The following MSR1 variants were observed in gnomAD, a reference collection of about 807,000 sequenced individuals.
MSR1 encodes the protein macrophage scavenger receptor types I and II.
MSR1 carries 53 observed loss-of-function variants against 47.2 expected under a neutral mutation model. That is an observed-to-expected ratio of 1.12 (90% CI 0.90 to 1.41). MSR1 has a LOEUF of 1.41. Among genes scored for constraint, MSR1 ranks in the 40% most tolerant of loss-of-function variants. MSR1 has a pLI of 0.00. For synonymous variants in MSR1, 239 were observed against 185.6 expected (o/e 1.29, Z -2.34); for missense variants, 786 against 546.9 (o/e 1.44, Z -4.36).
In MSR1 at chr8:16,131,441, G is replaced by T. The variant is rs1229472094; in HGVS notation, c.1034-10835C>A. On this transcript the variant is annotated intron_variant, in intron 8 of 9. Coordinates refer to ENST00000262101, the MANE Select transcript of MSR1 (RefSeq NM_138715.3). ...TATGTATCTGTTTACTCTGTTGATA[G>T]TTTTTTTTTTTTTTTTTTTTTTTTG... Among the ~76,000 whole-genome samples the T allele has an allele frequency of 9.1e-4, 50 of 54,702 alleles. 1 individual carries two copies. Among genetic ancestry groups the T allele is most frequent in the African/African-American group, 3.2e-3 (40 of 12,322 alleles). 35.9% of individuals were successfully genotyped at this position (54,702 alleles called of 152,430 possible).
chr8:16,169,849 GT>G (rs1056418628), intron 3 of MSR1, among the ~76,000 whole-genome samples: 9 of 151,712 alleles, frequency 5.9e-5, no homozygotes, highest in Admixed American at 2.0e-4. Flanking sequence ...TATAGCCAAT[GT>G]TTTGATGAAC....
chr8:16,178,325 A>G (rs1386412218), intron 1 of MSR1, among the ~76,000 whole-genome samples: 1 of 146,900 alleles, frequency 6.8e-6, no homozygotes, highest in African/African-American at 2.5e-5. Context: ...TCATTGTTCA[A>G]TTTCCACCTA....
chr8:16,163,197 A>G (rs149653122), intron 5 of MSR1, among the ~76,000 whole-genome samples: 61 of 152,156 alleles, frequency 4.0e-4, no homozygotes, highest in African/African-American at 1.4e-3. Context: ...TCAATCCAAA[A>G]GTGGCAATAC....
chr8:16,150,116 A>ATG (rs370312614), intron 7 of MSR1, 115 bp downstream of exon 7: 4,638 of 214,120 alleles, frequency 0.022, 305 homozygotes, highest in African/African-American at 0.12. Context: ...ATATAACATT[A>ATG]TGTGTGTGTG....
chr8:16,186,275 GCCAGGGT>G, intron 1 of MSR1: 1 of 1,344,320 alleles, frequency 7.4e-7, no homozygotes, highest in South Asian at 1.3e-5. Flanking sequence ...AGCAGAGTGA[GCCAGGGT>G]CCAGTTTCTG....
chr8:16,168,515 C>G lies in MSR1; in HGVS notation c.573G>C (p.Gln191His). 1 of 1,614,104 alleles carries G rather than the reference C, an allele frequency of 6.2e-7. No individual in the cohort carries two copies. Among genetic ancestry groups the G allele is most frequent in the Admixed American group, 1.7e-5 (1 of 60,000 alleles). The change falls in exon 4 of 10, where the codon CAG (glutamine) becomes CAC (histidine). Residue 191 changes from glutamine (Q) to histidine (H), a missense_variant. Transcript: ENST00000262101. Reference protein sequence around the residue: ...ISLNTTLLDLQLNIENLNGKI... With the variant: ...ISLNTTLLDLHLNIENLNGKI... ...TGCCATTCAGATTTTCTATGTTGAG[C>G]TGCAAATCAAGCAATGTGGTATTCA...
chr8:16,138,746 A>G (rs1800452246), intron 8 of MSR1, among the ~76,000 whole-genome samples: 1 of 152,118 alleles, frequency 6.6e-6, no homozygotes, highest in Non-Finnish European at 1.5e-5. Flanking sequence ...AAGGAGTTAC[A>G]ACTTATCTCT....
chr8:16,141,163 C>A, intron 8 of MSR1: 1 of 1,140,560 alleles, frequency 8.8e-7, no homozygotes, highest in Non-Finnish European at 1.3e-6. Flanking sequence ...CCACCATTAA[C>A]TACAGATGTG....
At chr8:16,171,950 A>G (rs1801499610) in intron 3 of MSR1, among the ~76,000 whole-genome samples, 1 of 152,132 alleles carries the variant, frequency 6.6e-6, no homozygotes, top group African/African-American at 2.4e-5. Flanking sequence ...AAATACTTAG[A>G]CCACTTCCTG....
rs78432359 is a variant in MSR1 at position 16,186,873 on chromosome 8, C to T, written c.-5+5725G>A. On this transcript the variant is annotated intron_variant, in intron 1 of 9. Transcript: ENST00000262101. Reference sequence around the variant, plus strand: ...CAAGCAATCTACCCACCTCAGCCTCCCAAATTTTTGGCATTACACACATGA... The same window carrying T: ...CAAGCAATCTACCCACCTCAGCCTCTCAAATTTTTGGCATTACACACATGA... Among the ~76,000 whole-genome samples the T allele has an allele frequency of 5.5e-3, 844 of 152,148 alleles. 25 individuals carry two copies. In the East Asian group the frequency reaches 0.098, roughly 18 times the overall value.
rs1801400393 is a variant in MSR1, at chr8:16,168,855, C to A, written c.233G>T (p.Trp78Leu). Residue 78 changes from tryptophan to leucine, a missense_variant, in exon 4 of 10, where the codon TGG (tryptophan) becomes TTG (leucine). Coordinates refer to ENST00000262101, the MANE Select transcript of MSR1 (RefSeq NM_138715.3). ...IGIVAAQLLK[W>L]ETKNCSVSST... ...ACTAACTGAGCAATTCTTCGTTTCCCACTTCAGGAGTTGAGCTGTATATTT... is the reference window on the plus strand; with the variant it reads ...ACTAACTGAGCAATTCTTCGTTTCCAACTTCAGGAGTTGAGCTGTATATTT... The A allele has an allele frequency of 6.2e-7, 1 of 1,613,062 alleles. No homozygotes were observed. Among genetic ancestry groups the A allele is most frequent in the African/African-American group, 1.3e-5 (1 of 74,900 alleles).
intron 1 of MSR1, among the ~76,000 whole-genome samples, chr8:16,178,923 C>T (rs2117213145): frequency 6.6e-6 from 1 of 152,118 alleles, no homozygotes; most frequent in South Asian, 2.1e-4. Flanking sequence ...TAATAAATAA[C>T]ATTTAATTTT....
chr8:16,137,928 G>C (rs1362270429), intron 8 of MSR1, among the ~76,000 whole-genome samples: 1 of 151,654 alleles, frequency 6.6e-6, no homozygotes, highest in Non-Finnish European at 1.5e-5. Context: ...GGAGCTTAAA[G>C]CTGCAGGGAG....
intron 1 of MSR1, among the ~76,000 whole-genome samples, chr8:16,191,688 T>C (rs111237131): frequency 4.3e-4 from 65 of 152,274 alleles, no homozygotes; most frequent in African/African-American, 1.5e-3. Flanking sequence ...GGCAGTCTAC[T>C]CCCAGAAGAT....
At position 16,110,084 on chromosome 8, in the gene MSR1, A is replaced by T. The variant is rs1799723150; in HGVS notation, c.*1T>A. The T allele has an allele frequency of 3.1e-6, 5 of 1,613,406 alleles. No homozygotes were observed. Among genetic ancestry groups the T allele is most frequent in the African/African-American group, 1.3e-5 (1 of 74,904 alleles). On this transcript the variant is annotated 3_prime_UTR_variant, in exon 10 of 10. Coordinates refer to ENST00000262101, the MANE Select transcript of MSR1 (RefSeq NM_138715.3). ...ATAGTTGTGAATGAAAATATGATGCATTATAAAGTGCAAGTGACTCCAGCA... is the reference window on the plus strand; with the variant it reads ...ATAGTTGTGAATGAAAATATGATGCTTTATAAAGTGCAAGTGACTCCAGCA...
chr8:16,136,602 T>C (rs1181581325), intron 8 of MSR1, among the ~76,000 whole-genome samples: 2 of 152,084 alleles, frequency 1.3e-5, no homozygotes, highest in African/African-American at 4.8e-5. Flanking sequence ...ATTGTGTTAA[T>C]GGAATGCTGC....
intron 5 of MSR1, among the ~76,000 whole-genome samples, chr8:16,158,765 AAATC>A (rs1416328557): frequency 2.6e-5 from 4 of 151,874 alleles, no homozygotes; most frequent in Non-Finnish European, 5.9e-5. Flanking sequence ...TAGTTGGGTT[AAATC>A]AGAACTAGAA....
At chr8:16,175,095 C>T in intron 3 of MSR1, 92 bp downstream of exon 3, 4 of 975,922 alleles carry the variant, frequency 4.1e-6, no homozygotes, top group Non-Finnish European at 6.5e-6. Flanking sequence ...ATGAATGTAC[C>T]ATATACAAAA....
rs781636105 is a variant in MSR1, at chr8:16,150,349, C to G, written c.899-38G>C. On this transcript the variant is annotated intron_variant, in intron 6 of 9. Transcript: ENST00000262101. ...CGAAGAAAAAAAGAAGGTAATAATT[C>G]ATTTTCATACAGACTTGAGAGTATA... is the stretch of plus-strand genomic sequence containing the variant. 2.5e-6 allele frequency: 3 copies of G among 1,218,262 alleles called. No homozygotes were observed. In the South Asian group the frequency reaches 4.3e-5, roughly 17 times the overall value. 75.5% of individuals were successfully genotyped at this position (1,218,262 alleles called of 1,614,324 possible).
Sources: allele counts gnomAD v4.1 joint callset (sites outside exome capture counted in the v4.1 genomes callset), GRCh38; gene constraint gnomAD v4.1.1; transcripts MANE v1.5; gene names NCBI Gene and HGNC (gene_info 2026-07-23, HGNC 2026-07-21).